Variants in SNAPC3 observed in about 807,000 individuals in gnomAD.
The protein encoded by SNAPC3 is snRNA-activating protein complex subunit 3.
SNAPC3 carries 56 observed loss-of-function variants against 47.7 expected under a neutral mutation model. The ratio of observed to expected loss-of-function variants is 1.18; its 90% CI spans 0.95 to 1.47. The LOEUF (loss-of-function observed/expected upper bound fraction) is 1.47, where lower values mean the gene tolerates loss of function less well. SNAPC3 is among the 40% of genes most tolerant of loss of function. SNAPC3 has a pLI of 0.00. For missense variants in SNAPC3, 665 were observed against 511.3 expected, an observed-to-expected ratio of 1.30 and a Z score of -2.90; for synonymous variants, 235 against 189.9, an observed-to-expected ratio of 1.24 and a Z score of -1.95.
chr9:15,424,774 C>T (rs2031125139), intron 2 of SNAPC3, among the ~76,000 whole-genome samples: 1 of 152,196 alleles, frequency 6.6e-6, no homozygotes, highest in African/African-American at 2.4e-5. Context: ...CCACTTATTT[C>T]ATACTACCTC....
At chr9:15,432,447 T>A (rs1047011717) in intron 2 of SNAPC3, among the ~76,000 whole-genome samples, 1 of 151,972 alleles carries the variant, frequency 6.6e-6, no homozygotes, top group African/African-American at 2.4e-5. Flanking sequence ...CTCTTACAAG[T>A]GGTTGATTCC....
At chr9:15,442,596 C>T (rs1320796778) in intron 3 of SNAPC3, among the ~76,000 whole-genome samples, 5 of 151,194 alleles carry the variant, frequency 3.3e-5, no homozygotes, top group Admixed American at 2.6e-4. Flanking sequence ...GAGGCGTTCC[C>T]CACATCTCAG....
chr9:15,429,501 G>A (rs1587171827), intron 2 of SNAPC3, among the ~76,000 whole-genome samples: 1 of 152,112 alleles, frequency 6.6e-6, no homozygotes, highest in East Asian at 1.9e-4. Flanking sequence ...AATGGATAAT[G>A]TGTGGGCAAT....
intron 3 of SNAPC3, among the ~76,000 whole-genome samples, chr9:15,440,648 A>G (rs954391595): frequency 3.3e-5 from 5 of 152,296 alleles, no homozygotes; most frequent in African/African-American, 7.2e-5. Context: ...CTACATAGAT[A>G]GATAGATTTA....
intron 3 of SNAPC3, among the ~76,000 whole-genome samples, chr9:15,435,840 C>CT (rs1463718700): frequency 4.0e-5 from 2 of 49,698 alleles, no homozygotes; most frequent in African/African-American, 1.8e-4. Flanking sequence ...ACTTACTTTT[C>CT]TTTCTTTTTT....
At chr9:15,442,196 C>T (rs1425031722) in intron 3 of SNAPC3, among the ~76,000 whole-genome samples, 2 of 145,570 alleles carry the variant, frequency 1.4e-5, no homozygotes, top group African/African-American at 5.1e-5. Flanking sequence ...GCTGGCCGGG[C>T]GGGGGCTGCC....
At position 15,423,008 on chromosome 9, in the gene SNAPC3, T is replaced by C. The variant is rs775472507; in HGVS notation, c.129T>C (p.His43=). 11 of 1,546,220 alleles carry C rather than the reference T, an allele frequency of 7.1e-6. No individual in the cohort carries two copies. The highest frequency in any genetic ancestry group is 2.2e-5 in the Admixed American group (1 of 45,006). The change falls in exon 1 of 9, where the codon CAT becomes CAC. Residue 43 remains histidine (H), a synonymous_variant. Transcript: ENST00000380821. Reference sequence around the variant, plus strand: ...CCGAGCTAAATACGCGCGCTTTCCATGTGGGCGCCTTTGGGGAGCTGTGGC... The same window carrying C: ...CCGAGCTAAATACGCGCGCTTTCCACGTGGGCGCCTTTGGGGAGCTGTGGC... The part of the protein sequence containing the change: ...ELPELNTRAF[H]VGAFGELWRG...
At position 15,423,142 on chromosome 9, in the gene SNAPC3, G is replaced by T. The variant is rs768638956; in HGVS notation, c.263G>T (p.Arg88Met). The change falls in exon 1 of 9, where the codon AGG becomes ATG. Residue 88 changes from arginine (R) to methionine (M), a missense_variant. By Grantham distance (91) the Arg-to-Met change is moderately conservative. Transcript: ENST00000380821. ...GACCGGGAGGATGCCGCGGTGGCCA[G>T]GGATCTGGACTGCAGCCTGGAGGCG... ...DSDREDAAVA[R>M]DLDCSLEAAA... The T allele has an allele frequency of 6.4e-7, 1 of 1,565,904 alleles. No homozygotes were observed. Among genetic ancestry groups the T allele is most frequent in the Admixed American group, 2.1e-5 (1 of 47,616 alleles).
At chr9:15,451,030 GTT>G (rs2034345459) in intron 5 of SNAPC3, among the ~76,000 whole-genome samples, 2 of 152,164 alleles carry the variant, frequency 1.3e-5, no homozygotes, top group Admixed American at 6.5e-5. Flanking sequence ...ATAGGACTTT[GTT>G]TAGGTTTTAG....
intron 8 of SNAPC3, among the ~76,000 whole-genome samples, chr9:15,459,498 C>T (rs768691510): frequency 5.9e-5 from 9 of 152,270 alleles, no homozygotes; most frequent in Non-Finnish European, 1.3e-4. Context: ...AAACAGCATT[C>T]TGCAGTGTTT....
At chr9:15,434,252 T>C (rs747695735) in intron 3 of SNAPC3, among the ~76,000 whole-genome samples, 20 of 152,160 alleles carry the variant, frequency 1.3e-4, no homozygotes, top group Non-Finnish European at 2.2e-4. Flanking sequence ...AACTTTTTCA[T>C]CATCCCAAAC....
chr9:15,425,206 T>G (rs1229917653), intron 2 of SNAPC3, among the ~76,000 whole-genome samples: 1 of 152,108 alleles, frequency 6.6e-6, no homozygotes, highest in African/African-American at 2.4e-5. Flanking sequence ...ACATACCACT[T>G]CTATGTTATG....
intron 7 of SNAPC3, among the ~76,000 whole-genome samples, chr9:15,457,238 C>T (rs1193173557): frequency 6.6e-6 from 1 of 152,136 alleles, no homozygotes; most frequent in Admixed American, 6.5e-5. Flanking sequence ...CACATTGTAA[C>T]AACCAGTTAA....
chr9:15,453,142 G>GT lies in SNAPC3; in HGVS notation c.921dup (p.Pro308SerfsTer11). 6.2e-7 allele frequency: 1 copy of GT among 1,613,534 alleles called. No individual in the cohort carries two copies. Among genetic ancestry groups the GT allele is most frequent in the Non-Finnish European group, 8.5e-7 (1 of 1,179,526 alleles). On this transcript the variant is annotated frameshift_variant, in exon 7 of 9. Transcript: ENST00000380821. LOFTEE classifies it high-confidence loss of function. ...TTCAATGACTTGTGTATTAAACTGG[G>GT]TTTTCCTTACTTATACTGTCATCAG...
downstream of SNAPC3, chr9:15,465,518 A>C: frequency 6.4e-7 from 1 of 1,551,268 alleles, no homozygotes; most frequent in Non-Finnish European, 8.8e-7. Context: ...AGGTATGTCA[A>C]CCTAGTTATC....
chr9:15,462,479 G>A (rs1360646144), downstream of SNAPC3: 1 of 151,958 alleles, frequency 6.6e-6, no homozygotes, highest in Non-Finnish European at 1.5e-5. Flanking sequence ...CTCTTTTTTC[G>A]AGGCAGCTTT....
At chr9:15,435,026 C>T (rs2032617567) in intron 3 of SNAPC3, among the ~76,000 whole-genome samples, 1 of 152,092 alleles carries the variant, frequency 6.6e-6, no homozygotes, top group Non-Finnish European at 1.5e-5. Context: ...ATTACATTCC[C>T]ATCAGTAATG....
At chr9:15,430,635 T>G (rs771611665) in intron 2 of SNAPC3, among the ~76,000 whole-genome samples, 9 of 152,200 alleles carry the variant, frequency 5.9e-5, no homozygotes, top group Non-Finnish European at 1.0e-4. Context: ...GTTCAATACT[T>G]ACTAGTGATG....
At chr9:15,465,368 T>G, downstream of SNAPC3, 1 of 643,476 alleles carries the variant, frequency 1.6e-6, no homozygotes, top group Non-Finnish European at 2.7e-6. Context: ...CGATAATGTT[T>G]ACTTTACTTT....
Sources: allele counts gnomAD v4.1 joint callset (sites outside exome capture counted in the v4.1 genomes callset), GRCh38; gene constraint gnomAD v4.1.1; transcripts MANE v1.5; gene names NCBI Gene and HGNC (gene_info 2026-07-23, HGNC 2026-07-21).